The following ADGRB3 variants were observed in gnomAD, a reference collection of about 807,000 sequenced individuals.
The protein encoded by ADGRB3 is adhesion G protein-coupled receptor B3, also known as brain-specific angiogenesis inhibitor 3.
A neutral mutation model predicts 193.4 loss-of-function variants in ADGRB3; 37 were observed. The ratio of observed to expected loss-of-function variants is 0.19; its 90% CI spans 0.15 to 0.25. The LOEUF (loss-of-function observed/expected upper bound fraction) is 0.25, where lower values mean the gene tolerates loss of function less well. Among genes scored for constraint, ADGRB3 ranks in the 10% least tolerant of loss-of-function variants. The pLI is 1.00. For missense variants in ADGRB3, 1,637 were observed against 1,852.9 expected, an observed-to-expected ratio of 0.88 and a Z score of 2.14; for synonymous variants, 690 against 644.2, an observed-to-expected ratio of 1.07 and a Z score of -1.08.
intron 13 of ADGRB3, among the ~76,000 whole-genome samples, chr6:69,040,441 T>C (rs2150298232): frequency 6.6e-6 from 1 of 150,888 alleles, no homozygotes; most frequent in East Asian, 2.0e-4. Flanking sequence ...TTTCACAATA[T>C]GTAAGTGAAT....
At chr6:69,093,676 G>T (rs1772782740) in intron 17 of ADGRB3, among the ~76,000 whole-genome samples, 1 of 151,654 alleles carries the variant, frequency 6.6e-6, no homozygotes, top group African/African-American at 2.4e-5. Flanking sequence ...TGGGTTCGGG[G>T]GGATATAGGG....
chr6:68,986,071 A>G (rs1368650951), intron 10 of ADGRB3, among the ~76,000 whole-genome samples: 1 of 152,166 alleles, frequency 6.6e-6, no homozygotes, highest in Non-Finnish European at 1.5e-5. Context: ...AATTCTAGCC[A>G]AAAACTCTGA....
chr6:68,857,911 C>T (rs1765033101), intron 3 of ADGRB3, among the ~76,000 whole-genome samples: 1 of 152,114 alleles, frequency 6.6e-6, no homozygotes, highest in Admixed American at 6.5e-5. Flanking sequence ...CTTTCTTGTG[C>T]TATTCTCATG....
intron 3 of ADGRB3, among the ~76,000 whole-genome samples, chr6:68,804,968 C>T (rs1040121729): frequency 6.6e-6 from 1 of 151,854 alleles, no homozygotes; most frequent in Admixed American, 6.6e-5. Context: ...CACTCTGTTA[C>T]CCGGGCTGGA....
intron 3 of ADGRB3, among the ~76,000 whole-genome samples, chr6:68,703,440 A>G (rs1765275342): frequency 1.3e-5 from 2 of 152,120 alleles, no homozygotes; most frequent in Admixed American, 6.5e-5. Context: ...CTTGAATTTA[A>G]CTATATATAT....
At chr6:68,662,993 T>C (rs901625034) in intron 3 of ADGRB3, among the ~76,000 whole-genome samples, 1 of 151,170 alleles carries the variant, frequency 6.6e-6, no homozygotes, top group Admixed American at 6.6e-5. Context: ...GATAATAACT[T>C]TCTAGTAAAC....
intron 3 of ADGRB3, among the ~76,000 whole-genome samples, chr6:68,655,790 G>A (rs1269961162): frequency 1.3e-5 from 2 of 151,586 alleles, no homozygotes; most frequent in Non-Finnish European, 3.0e-5. Flanking sequence ...TGCCCCAAAT[G>A]ATGGTTTCCT....
At chr6:69,369,939 G>C (rs1305935958) in intron 29 of ADGRB3, among the ~76,000 whole-genome samples, 1 of 152,052 alleles carries the variant, frequency 6.6e-6, no homozygotes, top group African/African-American at 2.4e-5. Flanking sequence ...TAGAAAGTCA[G>C]ACTTGGACTG....
intron 17 of ADGRB3, among the ~76,000 whole-genome samples, chr6:69,228,363 G>A (rs1241274197): frequency 6.6e-6 from 1 of 152,130 alleles, no homozygotes; most frequent in African/African-American, 2.4e-5. Context: ...GTTCTCAAAA[G>A]CACTAGTATT....
At chr6:69,149,644 A>C (rs957130018) in intron 17 of ADGRB3, among the ~76,000 whole-genome samples, 1 of 151,840 alleles carries the variant, frequency 6.6e-6, no homozygotes, top group Non-Finnish European at 1.5e-5. Flanking sequence ...TTAGGTATTG[A>C]TTGTAGCCTT....
chr6:68,749,963 T>A (rs976386672), intron 3 of ADGRB3, among the ~76,000 whole-genome samples: 1 of 152,190 alleles, frequency 6.6e-6, no homozygotes, highest in Admixed American at 6.5e-5. Context: ...GGATAATAGG[T>A]AACCCACGTG....
At chr6:68,938,988 C>A (rs535248791) in intron 5 of ADGRB3, among the ~76,000 whole-genome samples, 147 of 152,214 alleles carry the variant, frequency 9.7e-4, no homozygotes, top group African/African-American at 3.3e-3. Flanking sequence ...AAAGTGTTCT[C>A]AAAAATTTTC....
intron 20 of ADGRB3, among the ~76,000 whole-genome samples, chr6:69,315,872 G>A (rs930672773): frequency 6.6e-5 from 10 of 151,300 alleles, no homozygotes; most frequent in Non-Finnish European, 1.5e-4. Flanking sequence ...TACTATAATT[G>A]CAAATAATTA....
chr6:69,122,061 C>T (rs188285868), intron 17 of ADGRB3, among the ~76,000 whole-genome samples: 2 of 49,722 alleles, frequency 4.0e-5, no homozygotes, highest in Admixed American at 2.9e-4. Flanking sequence ...GGGTGGTGGC[C>T]GGGCAGTAAT....
At chr6:69,049,219 G>T in intron 14 of ADGRB3, 52 bp from the exon 15 acceptor site, 1 of 1,318,280 alleles carries the variant, frequency 7.6e-7, no homozygotes, top group South Asian at 1.2e-5. Context: ...AGTTTTATAA[G>T]ACATAGTATT....
intron 30 of ADGRB3, among the ~76,000 whole-genome samples, chr6:69,379,830 T>C (rs189706452): frequency 9.2e-5 from 14 of 152,126 alleles, no homozygotes; most frequent in Non-Finnish European, 1.9e-4. Context: ...TGAGGAAGTA[T>C]TTGCAATTAA....
chr6:69,149,924 C>CTGTGTG (rs1167142377), intron 17 of ADGRB3, among the ~76,000 whole-genome samples: 1,904 of 128,918 alleles, frequency 0.015, 23 homozygotes, highest in East Asian at 0.039. Context: ...GTCTGTCTTT[C>CTGTGTG]TGTGTGTGTG....
chr6:68,998,910 T>C (rs1464984797), intron 11 of ADGRB3, among the ~76,000 whole-genome samples: 1 of 152,148 alleles, frequency 6.6e-6, no homozygotes, highest in African/African-American at 2.4e-5. Flanking sequence ...CATCTTTGGA[T>C]ACAACTATAA....
At chr6:69,297,582 T>A (rs1767857168) in intron 20 of ADGRB3, among the ~76,000 whole-genome samples, 1 of 151,874 alleles carries the variant, frequency 6.6e-6, no homozygotes, top group South Asian at 2.1e-4. Context: ...GAATATTGGT[T>A]GTCAAAGGTC....
Sources: gnomAD v4.1 joint callset for allele counts (sites outside exome capture counted in the v4.1 genomes callset) on GRCh38, gnomAD v4.1.1 for gene constraint, MANE v1.5 for transcripts, NCBI Gene and HGNC (gene_info 2026-07-23, HGNC 2026-07-21) for gene names.